Variants in KCNH5 observed in about 807,000 individuals in gnomAD.
KCNH5 encodes voltage-gated delayed rectifier potassium channel KCNH5.
A neutral mutation model predicts 96.1 loss-of-function variants in KCNH5; 46 were observed. The ratio of observed to expected loss-of-function variants is 0.48; its 90% CI spans 0.38 to 0.61. The LOEUF (loss-of-function observed/expected upper bound fraction) is 0.61. Among genes scored for constraint, KCNH5 ranks in the 20% least tolerant of loss-of-function variants. KCNH5 has a pLI of 0.00. For synonymous variants in KCNH5, 439 were observed against 449.8 expected (o/e 0.98, Z 0.30); for missense variants, 907 against 1,225.8 (o/e 0.74, Z 3.88).
intron 6 of KCNH5, among the ~76,000 whole-genome samples, chr14:62,978,246 C>T (rs1890538217): frequency 1.3e-5 from 2 of 152,120 alleles, no homozygotes; most frequent in South Asian, 4.1e-4. Flanking sequence ...GTGAGATCAC[C>T]AAATGCTGAG....
At chr14:62,999,432 T>A (rs185251210) in intron 4 of KCNH5, among the ~76,000 whole-genome samples, 13 of 152,084 alleles carry the variant, frequency 8.5e-5, no homozygotes. Flanking sequence ...GATTCTGGAC[T>A]ATTCACAATA....
At chr14:62,846,146 G>T (rs1437394063) in intron 8 of KCNH5, among the ~76,000 whole-genome samples, 2 of 151,776 alleles carry the variant, frequency 1.3e-5, no homozygotes, top group East Asian at 1.9e-4. Context: ...TTGTTTGTTT[G>T]TTTTTTTAAG....
At chr14:62,739,940 G>A (rs932008652) in intron 10 of KCNH5, among the ~76,000 whole-genome samples, 3 of 152,114 alleles carry the variant, frequency 2.0e-5, no homozygotes, top group African/African-American at 7.2e-5. Flanking sequence ...AAACCTTTCA[G>A]CAAAGTAAGA....
chr14:62,922,754 A>AT (rs1462703561), intron 7 of KCNH5, among the ~76,000 whole-genome samples: 1 of 151,998 alleles, frequency 6.6e-6, no homozygotes, highest in Non-Finnish European at 1.5e-5. Context: ...ATATTTATTG[A>AT]TAAAAACTCT....
intron 10 of KCNH5, among the ~76,000 whole-genome samples, chr14:62,746,968 T>C (rs187667043): frequency 6.6e-6 from 1 of 152,376 alleles, no homozygotes; most frequent in East Asian, 1.9e-4. Context: ...ATCAAAATTT[T>C]ATGAAATCAA....
intron 7 of KCNH5, among the ~76,000 whole-genome samples, chr14:62,873,240 C>T (rs999638049): frequency 2.6e-5 from 4 of 151,314 alleles, no homozygotes; most frequent in South Asian, 2.1e-4. Context: ...TGTTATATAC[C>T]CTCAAGTGTA....
At chr14:62,953,459 T>C (rs942596051) in intron 6 of KCNH5, among the ~76,000 whole-genome samples, 3 of 151,910 alleles carry the variant, frequency 2.0e-5, no homozygotes, top group African/African-American at 7.2e-5. Context: ...TCCTGAGTTA[T>C]TGATACTAAG....
At chr14:63,027,783 A>G (rs1383953127) in intron 1 of KCNH5, among the ~76,000 whole-genome samples, 1 of 152,110 alleles carries the variant, frequency 6.6e-6, no homozygotes, top group Admixed American at 6.6e-5. Flanking sequence ...CTTAAAAAAG[A>G]AAGACTGTAA....
At chr14:62,903,568 T>C (rs1397957482) in intron 7 of KCNH5, among the ~76,000 whole-genome samples, 1 of 152,196 alleles carries the variant, frequency 6.6e-6, no homozygotes, top group African/African-American at 2.4e-5. Context: ...AAGGTCCTCT[T>C]CAGTTGTCGC....
intron 2 of KCNH5, among the ~76,000 whole-genome samples, chr14:63,013,951 A>G (rs1254153899): frequency 6.6e-6 from 1 of 152,174 alleles, no homozygotes; most frequent in Non-Finnish European, 1.5e-5. Flanking sequence ...AGAAGAACAC[A>G]TTAAAATAAA....
chr14:62,708,458 G>A lies in KCNH5; in HGVS notation c.2020-3C>T. The A allele has an allele frequency of 6.3e-7, 1 of 1,577,062 alleles. No individual in the cohort carries two copies. Among genetic ancestry groups the A allele is most frequent in the East Asian group, 2.2e-5 (1 of 44,514 alleles). On this transcript the variant is annotated splice_region_variant and splice_polypyrimidine_tract_variant and intron_variant, in intron 10 of 10. Transcript: ENST00000322893. ...TCACTGATCTTACGAAAGATGATCT[G>A]TGGAACGGGAGAGATAGTCACAGCC...
At chr14:62,968,662 T>C (rs985594187) in intron 6 of KCNH5, among the ~76,000 whole-genome samples, 1 of 152,218 alleles carries the variant, frequency 6.6e-6, no homozygotes, top group African/African-American at 2.4e-5. Flanking sequence ...ATCTTTCCCA[T>C]TATTAACAAA....
In KCNH5 at chr14:62,794,388, AT is replaced by A. The variant is rs1326234514; in HGVS notation, c.1822+7940del. Among the ~76,000 whole-genome samples, 890 of 145,826 alleles carry A rather than the reference AT, an allele frequency of 6.1e-3. 7 individuals are homozygous for A. Among genetic ancestry groups the A allele is most frequent in the African/African-American group, 0.017 (689 of 40,186 alleles). ...CAAAATTCCTGTTAACCAGAGCATC[AT>A]TTTTTTTTTTTGTAATTTGATGGGT... On this transcript the variant is annotated intron_variant, in intron 9 of 10. Coordinates refer to ENST00000322893, the MANE Select transcript of KCNH5 (RefSeq NM_139318.5).
chr14:62,766,365 A>T (rs1336034797), intron 10 of KCNH5, among the ~76,000 whole-genome samples: 2 of 152,156 alleles, frequency 1.3e-5, no homozygotes, highest in East Asian at 3.9e-4. Flanking sequence ...TATCAAAGAG[A>T]TGTTTGCACT....
intron 10 of KCNH5, among the ~76,000 whole-genome samples, chr14:62,728,081 T>G (rs1884971257): frequency 6.6e-6 from 1 of 151,448 alleles, no homozygotes; most frequent in Non-Finnish European, 1.5e-5. Flanking sequence ...CTTGCTCCAC[T>G]TTAAAGAAAC....
At chr14:63,008,925 T>C (rs1040591891) in intron 2 of KCNH5, among the ~76,000 whole-genome samples, 2 of 152,132 alleles carry the variant, frequency 1.3e-5, no homozygotes, top group African/African-American at 4.8e-5. Flanking sequence ...GTGAAATTTT[T>C]AAATCTTTTT....
chr14:62,748,724 C>T (rs962732173), intron 10 of KCNH5, among the ~76,000 whole-genome samples: 1 of 151,884 alleles, frequency 6.6e-6, no homozygotes, highest in Admixed American at 6.6e-5. Context: ...GTTGGTATGG[C>T]GAAGGTCGTT....
rs1276342011 is a variant in KCNH5 at position 62,707,915 on chromosome 14, T to C, written c.2560A>G (p.Thr854Ala). Residue 854 changes from threonine (T) to alanine (A), a missense_variant, in exon 11 of 11, where the codon ACC becomes GCC. By Grantham distance (58) the Thr-to-Ala change is moderately conservative (BLOSUM62 0). Transcript: ENST00000322893. ...TCTGTTTTTCTTAGTGGGTTTTTGGTCACACTGTTCTCTGAATCACTGCTC... is the reference window on the plus strand; with the variant it reads ...TCTGTTTTTCTTAGTGGGTTTTTGGCCACACTGTTCTCTGAATCACTGCTC... ...PKSSDSENSV[T>A]KNPLRKTDSC... 6.2e-7 allele frequency: 1 copy of C among 1,614,088 alleles called. No homozygotes were observed. Among genetic ancestry groups the C allele is most frequent in the Non-Finnish European group, 8.5e-7 (1 of 1,180,044 alleles).
chr14:62,718,266 C>A (rs1278178117), intron 10 of KCNH5, among the ~76,000 whole-genome samples: 1 of 151,984 alleles, frequency 6.6e-6, no homozygotes, highest in African/African-American at 2.4e-5. Flanking sequence ...ATGCAACAAA[C>A]CTGCATATCT....
Sources: gnomAD v4.1 joint callset for allele counts (sites outside exome capture counted in the v4.1 genomes callset) on GRCh38, gnomAD v4.1.1 for gene constraint, MANE v1.5 for transcripts, NCBI Gene and HGNC (gene_info 2026-07-23, HGNC 2026-07-21) for gene names.